CDKL3: variants seen among roughly 807,000 people sequenced by gnomAD.
CDKL3 encodes cyclin-dependent kinase-like 3.
CDKL3 carries 65 observed loss-of-function variants against 69.3 expected under a neutral mutation model. The observed-to-expected ratio is 0.94, with a 90% CI of 0.77 to 1.15. The LOEUF is 1.15. Among genes scored for constraint, CDKL3 ranks in the 50% most tolerant of loss-of-function variants. The pLI, the probability that CDKL3 is intolerant of heterozygous loss-of-function variation, is 0.00. For synonymous variants in CDKL3, 202 were observed against 221.6 expected, an observed-to-expected ratio of 0.91 and a Z score of 0.79; for missense variants, 652 against 689.2, an observed-to-expected ratio of 0.95 and a Z score of 0.61.
chr5:134,361,246 G>GT (rs1328193936), intron 2 of CDKL3, among the ~76,000 whole-genome samples: 1 of 151,542 alleles, frequency 6.6e-6, no homozygotes, highest in African/African-American at 2.4e-5. Flanking sequence ...AAAAATGAAG[G>GT]GTTTTTTTTT....
Position 134,288,030 on chromosome 5 carries a change from G to A in CDKL3, c.*678-1471C>T, listed in dbSNP as rs1580745275. Among the ~76,000 whole-genome samples the A allele has an allele frequency of 9.2e-5, 14 of 152,098 alleles. 2 individuals carry two copies. The South Asian group carries it at 2.7e-3, about 29-fold the overall frequency. On this transcript the variant is annotated intron_variant and NMD_transcript_variant, in intron 8 of 8. Transcript: ENST00000519312. ...CTGCCTCAGCCTCCCGAGTAGCTGG[G>A]ATTACAGACATGTGCCACCACACCC...
chr5:134,355,599 T>C (rs1267886732), intron 3 of CDKL3, among the ~76,000 whole-genome samples: 1 of 152,258 alleles, frequency 6.6e-6, no homozygotes, highest in South Asian at 2.1e-4. Context: ...TATAAATTTC[T>C]TTTATAAACA....
chr5:134,350,914 T>A (rs1213434184), intron 3 of CDKL3, among the ~76,000 whole-genome samples: 1 of 151,970 alleles, frequency 6.6e-6, no homozygotes, highest in Non-Finnish European at 1.5e-5. Context: ...TAACCCTATG[T>A]CTCACTCCAG....
intron 7 of CDKL3, among the ~76,000 whole-genome samples, chr5:134,311,882 C>T (rs540316725): frequency 6.6e-6 from 1 of 152,272 alleles, no homozygotes; most frequent in South Asian, 2.1e-4. Context: ...GCAACCTCCA[C>T]CTCTGGGGTT....
At chr5:134,295,421 C>T (rs1425189317), downstream of CDKL3, among the ~76,000 whole-genome samples, 1 of 152,116 alleles carries the variant, frequency 6.6e-6, no homozygotes, top group Non-Finnish European at 1.5e-5. Flanking sequence ...TGAAAATGGA[C>T]AATCTTTGAC....
intron 9 of CDKL3, among the ~76,000 whole-genome samples, chr5:134,307,243 T>C (rs1768135296): frequency 6.6e-6 from 1 of 152,178 alleles, no homozygotes; most frequent in Admixed American, 6.5e-5. Context: ...GTGGGGTTAC[T>C]CCTGCTGGCC....
At chr5:134,326,842 TATATATATATATATATATATATATAC>T (rs1411514700) in intron 4 of CDKL3, among the ~76,000 whole-genome samples, 3,424 of 131,516 alleles carry the variant, frequency 0.026, 116 homozygotes, top group African/African-American at 0.081. Context: ...TATATATATA[TATATATATATATATATATATATATAC>T]ACACACACAC....
chr5:134,348,205 A>C (rs1265750716), intron 4 of CDKL3, among the ~76,000 whole-genome samples: 1 of 152,306 alleles, frequency 6.6e-6, no homozygotes, highest in Non-Finnish European at 1.5e-5. Context: ...TGGGCAACAT[A>C]GTGAGACCTG....
chr5:134,318,062 A>T (rs1771645512), intron 6 of CDKL3, among the ~76,000 whole-genome samples: 1 of 152,058 alleles, frequency 6.6e-6, no homozygotes, highest in Non-Finnish European at 1.5e-5. Flanking sequence ...TCTACTAAAA[A>T]TTCAAAATTA....
Position 134,350,355 on chromosome 5 carries a change from CA to C in CDKL3, c.432del (p.Phe144LeufsTer7). The part of the protein sequence containing the change: ...SQSGITKLCD[F>X]GFARTLAAPG... ...GGAGCTGCTAGTGTTCGTGCAAAAC[CA>C]AAATCACAGAGCTTAGTAATTCCTG... is the stretch of plus-strand genomic sequence containing the variant. On this transcript the variant is annotated frameshift_variant, in exon 4 of 13. Coordinates refer to ENST00000265334, the MANE Select transcript of CDKL3 (RefSeq NM_001113575.2). LOFTEE classifies it high-confidence loss of function. The C allele has an allele frequency of 1.3e-6, 2 of 1,587,262 alleles. No individual in the cohort carries two copies. The highest frequency in any genetic ancestry group is 1.3e-5 in the African/African-American group (1 of 74,494).
chr5:134,348,676 G>A (rs1294096151), intron 4 of CDKL3, among the ~76,000 whole-genome samples: 1 of 152,120 alleles, frequency 6.6e-6, no homozygotes, highest in Non-Finnish European at 1.5e-5. Flanking sequence ...TAGGATTGGG[G>A]GGCTAGGGAG....
intron 4 of CDKL3, among the ~76,000 whole-genome samples, chr5:134,331,365 T>C (rs1775751870): frequency 6.6e-6 from 1 of 152,186 alleles, no homozygotes; most frequent in African/African-American, 2.4e-5. Flanking sequence ...TGCAGGTTTG[T>C]TACATAGGTA....
chr5:134,328,588 G>T (rs1196846941), intron 4 of CDKL3, among the ~76,000 whole-genome samples: 1 of 151,962 alleles, frequency 6.6e-6, no homozygotes, highest in Non-Finnish European at 1.5e-5. Context: ...AAAATGAGTG[G>T]GGAGAATAGA....
intron 4 of CDKL3, among the ~76,000 whole-genome samples, chr5:134,338,879 C>T (rs186061350): frequency 2.6e-5 from 4 of 151,738 alleles, no homozygotes; most frequent in Non-Finnish European, 5.9e-5. Context: ...TGGGGTCGGG[C>T]ACGGTGGCTC....
chr5:134,335,933 T>C (rs916109885), intron 4 of CDKL3, among the ~76,000 whole-genome samples: 2 of 152,210 alleles, frequency 1.3e-5, no homozygotes, highest in East Asian at 3.9e-4. Flanking sequence ...CTTGGTTCCA[T>C]TCTCCCTGTC....
downstream of CDKL3, among the ~76,000 whole-genome samples, chr5:134,296,892 T>C (rs529238000): frequency 1.2e-4 from 19 of 152,134 alleles, no homozygotes; most frequent in South Asian, 3.7e-3. Flanking sequence ...GGAATTTGCC[T>C]GACAGCTCCT....
chr5:134,299,430 T>C, intron 12 of CDKL3: 1 of 1,024,442 alleles, frequency 9.8e-7, no homozygotes, highest in Non-Finnish European at 1.3e-6. Context: ...TAAAATTATA[T>C]GACTAAATGT....
chr5:134,330,917 G>A (rs753791249), intron 4 of CDKL3, among the ~76,000 whole-genome samples: 4 of 152,122 alleles, frequency 2.6e-5, no homozygotes, highest in Non-Finnish European at 4.4e-5. Context: ...CCAGTGCTTC[G>A]TCTTCAGGAT....
chr5:134,338,859 T>C (rs1051718475), intron 4 of CDKL3, among the ~76,000 whole-genome samples: 3 of 151,738 alleles, frequency 2.0e-5, no homozygotes, highest in African/African-American at 7.3e-5. Flanking sequence ...ACGTCAATAA[T>C]AACATTAAAT....
Sources: allele counts gnomAD v4.1 joint callset (sites outside exome capture counted in the v4.1 genomes callset), GRCh38; gene constraint gnomAD v4.1.1; transcripts MANE v1.5; gene names NCBI Gene and HGNC (gene_info 2026-07-23, HGNC 2026-07-21).